The following SLIT3 variants were observed in gnomAD, a reference collection of about 807,000 sequenced individuals.
SLIT3 encodes the protein slit guidance ligand 3, also known as slit homolog 3 protein.
In SLIT3, 68 loss-of-function variants were observed where a neutral mutation model predicts 184.0. The observed-to-expected ratio is 0.37, with a 90% CI of 0.30 to 0.45. The LOEUF (loss-of-function observed/expected upper bound fraction) is 0.45. Ranked by LOEUF, SLIT3 falls within the 20% of genes least tolerant of loss-of-function variation. The probability of loss-of-function intolerance (pLI) is 1.00; values close to 1 mark genes in which losing one functional copy is unlikely to be tolerated. For missense variants in SLIT3, 1,707 were observed against 2,026.0 expected, an observed-to-expected ratio of 0.84 and a Z score of 3.02; for synonymous variants, 831 against 828.6, an observed-to-expected ratio of 1.00 and a Z score of -0.05.
Position 168,723,086 on chromosome 5 carries a change from GCCATCCACCCACTCATCTACCCATCCAC to G in SLIT3, c.2340-110_2340-83del, listed in dbSNP as rs968080275. On this transcript the variant is annotated intron_variant, in intron 21 of 35. Transcript: ENST00000519560. ...CCATTCCCAAGTATCACACATACCT[GCCATCCACCCACTCATCTACCCATCCAC>G]CCATCCACCCACCTATTCATTAATT... 31 of 923,440 alleles carry G rather than the reference GCCATCCACCCACTCATCTACCCATCCAC, an allele frequency of 3.4e-5. No individual in the cohort carries two copies. The African/African-American group carries it at 3.7e-4, about 11-fold the overall frequency. The allele number at this position is 923,440 out of a possible 1,614,324, so 57.2% of individuals were successfully genotyped here. A position where few individuals can be genotyped will look rare whatever the true frequency, so the allele number is the denominator to read the frequency against.
At chr5:168,736,525 A>C (rs1763439438) in intron 20 of SLIT3, among the ~76,000 whole-genome samples, 1 of 152,228 alleles carries the variant, frequency 6.6e-6, no homozygotes, top group South Asian at 2.1e-4. Flanking sequence ...GGGATATGAA[A>C]AGCAGCAGGC....
intron 4 of SLIT3, among the ~76,000 whole-genome samples, chr5:169,052,422 G>A (rs1371256456): frequency 6.6e-6 from 1 of 152,168 alleles, no homozygotes; most frequent in Non-Finnish European, 1.5e-5. Context: ...TGTGGCAAGA[G>A]TCAGGGAGGG....
At chr5:168,934,904 C>T (rs1322387437) in intron 4 of SLIT3, among the ~76,000 whole-genome samples, 6 of 149,516 alleles carry the variant, frequency 4.0e-5, no homozygotes, top group East Asian at 2.0e-4. Flanking sequence ...CCGAGATGGG[C>T]GGATCACAAG....
At chr5:169,203,672 G>T (rs903858823) in intron 3 of SLIT3, among the ~76,000 whole-genome samples, 2 of 152,088 alleles carry the variant, frequency 1.3e-5, no homozygotes, top group African/African-American at 2.4e-5. Context: ...CCTGCTACCA[G>T]GATAACAGCC....
intron 4 of SLIT3, among the ~76,000 whole-genome samples, chr5:169,088,237 T>C (rs1257636861): frequency 6.6e-6 from 1 of 152,164 alleles, no homozygotes; most frequent in African/African-American, 2.4e-5. Context: ...TGTTCATAAA[T>C]AAGCCTGTCC....
At chr5:169,237,750 A>G (rs1164835764) in intron 3 of SLIT3, among the ~76,000 whole-genome samples, 2 of 152,072 alleles carry the variant, frequency 1.3e-5, no homozygotes, top group African/African-American at 4.8e-5. Context: ...TCTTTCCTTT[A>G]TAGGGGGAGA....
rs149915063 is a variant in SLIT3 at position 168,798,658 on chromosome 5, G to A, written c.936-3080C>T. Among the ~76,000 whole-genome samples the A allele has an allele frequency of 9.1e-3, 1,386 of 152,238 alleles. 14 individuals carry two copies. The highest frequency in any genetic ancestry group is 0.017 in the Admixed American group (267 of 15,278). On this transcript the variant is annotated intron_variant, in intron 9 of 35. Transcript: ENST00000519560. ...TCAACCCTGCCCCAGGAGGCAGCAGGAATTTGTCTGCAGTGGGAGCGTGGT... is the reference window on the plus strand; with the variant it reads ...TCAACCCTGCCCCAGGAGGCAGCAGAAATTTGTCTGCAGTGGGAGCGTGGT...
intron 4 of SLIT3, among the ~76,000 whole-genome samples, chr5:169,048,797 G>A (rs972860738): frequency 6.6e-6 from 1 of 152,122 alleles, no homozygotes; most frequent in African/African-American, 2.4e-5. Flanking sequence ...CTTCTGGAAC[G>A]AATCACAGTC....
At chr5:168,701,701 C>T (rs574962453) in intron 26 of SLIT3, among the ~76,000 whole-genome samples, 1 of 152,346 alleles carries the variant, frequency 6.6e-6, no homozygotes, top group South Asian at 2.1e-4. Context: ...GGCATGGAGT[C>T]CCTTACAGGA....
intron 4 of SLIT3, among the ~76,000 whole-genome samples, chr5:169,175,902 T>G (rs1581019474): frequency 6.6e-6 from 1 of 152,206 alleles, no homozygotes. Context: ...GCAGGGCTGG[T>G]GACTTCCACG....
rs1754628382 is a variant in SLIT3 at position 168,749,652 on chromosome 5, G to A, written c.1974-17C>T. ...AGGAGGTTTCTAGGAAGAGAGAAGG[G>A]TGCTTAGCCTCCATCCTTCTACTGT... On this transcript the variant is annotated splice_polypyrimidine_tract_variant and intron_variant, in intron 18 of 35. Coordinates refer to ENST00000519560, the MANE Select transcript of SLIT3 (RefSeq NM_003062.4). 6.2e-7 allele frequency: 1 copy of A among 1,613,792 alleles called. No homozygotes were observed. The highest frequency in any genetic ancestry group is 2.2e-5 in the East Asian group (1 of 44,870).
chr5:168,842,414 A>T (rs1368005061), intron 6 of SLIT3, among the ~76,000 whole-genome samples: 2 of 148,476 alleles, frequency 1.3e-5, no homozygotes, highest in East Asian at 4.0e-4. Flanking sequence ...TTTCAGTCAC[A>T]GGTTTTTAAA....
chr5:168,675,737 A>G (rs1167251745), intron 32 of SLIT3, among the ~76,000 whole-genome samples: 1 of 152,194 alleles, frequency 6.6e-6, no homozygotes. Flanking sequence ...CGCTTTGTCA[A>G]TTACTGGGAA....
intron 23 of SLIT3, among the ~76,000 whole-genome samples, chr5:168,721,152 G>A (rs933956659): frequency 6.6e-6 from 1 of 152,184 alleles, no homozygotes; most frequent in Non-Finnish European, 1.5e-5. Context: ...GAAGTTGATA[G>A]GTTTGGGGGC....
chr5:169,202,801 C>T (rs1301237369), intron 3 of SLIT3, among the ~76,000 whole-genome samples: 1 of 151,944 alleles, frequency 6.6e-6, no homozygotes, highest in Non-Finnish European at 1.5e-5. Flanking sequence ...CCACCCCACC[C>T]CTGCCCGCAA....
chr5:169,086,286 G>A (rs1371994393), intron 4 of SLIT3, among the ~76,000 whole-genome samples: 2 of 152,216 alleles, frequency 1.3e-5, no homozygotes, highest in African/African-American at 2.4e-5. Context: ...AACCACTATT[G>A]TAAGTTCTGA....
chr5:169,280,920 G>C (rs1050881278), intron 1 of SLIT3, among the ~76,000 whole-genome samples: 1 of 152,144 alleles, frequency 6.6e-6, no homozygotes, highest in Non-Finnish European at 1.5e-5. Context: ...AAATACAATA[G>C]CCAAGAGGAA....
intron 2 of SLIT3, among the ~76,000 whole-genome samples, chr5:169,248,525 G>A (rs1320388429): frequency 6.6e-6 from 1 of 152,176 alleles, no homozygotes; most frequent in African/African-American, 2.4e-5. Context: ...TTTTCAGACA[G>A]GGGAATCCGG....
intron 4 of SLIT3, among the ~76,000 whole-genome samples, chr5:169,163,464 C>T (rs1171641205): frequency 2.6e-5 from 4 of 152,118 alleles, no homozygotes; most frequent in East Asian, 1.9e-4. Context: ...ACCTTAATCC[C>T]GACACAGGCT....
Sources: allele counts gnomAD v4.1 joint callset (sites outside exome capture counted in the v4.1 genomes callset), GRCh38; gene constraint gnomAD v4.1.1; transcripts MANE v1.5; gene names NCBI Gene and HGNC (gene_info 2026-07-23, HGNC 2026-07-21).